Variants in ASIC2 observed in about 807,000 individuals in gnomAD.
ASIC2 encodes the protein acid-sensing ion channel 2.
A neutral mutation model predicts 57.3 loss-of-function variants in ASIC2; 25 were observed. The observed-to-expected ratio is 0.44, with a 90% CI of 0.32 to 0.61. The LOEUF is 0.61. ASIC2 is among the 20% of genes least tolerant of loss of function. The pLI is 0.06. For missense variants in ASIC2, 641 were observed against 738.1 expected, an observed-to-expected ratio of 0.87 and a Z score of 1.52; for synonymous variants, 319 against 307.5, an observed-to-expected ratio of 1.04 and a Z score of -0.39.
intron 1 of ASIC2, among the ~76,000 whole-genome samples, chr17:33,501,743 A>C (rs1914106407): frequency 6.6e-6 from 1 of 152,218 alleles, no homozygotes; most frequent in South Asian, 2.1e-4. Flanking sequence ...TTCCAAATTC[A>C]TGTGCCCAGG....
At chr17:33,077,630 T>A (rs2092094570) in intron 3 of ASIC2, among the ~76,000 whole-genome samples, 1 of 152,150 alleles carries the variant, frequency 6.6e-6, no homozygotes, top group Non-Finnish European at 1.5e-5. Context: ...GTCTAACAGA[T>A]AAGCAGTATG....
At chr17:33,502,736 C>T (rs1016442549) in intron 1 of ASIC2, among the ~76,000 whole-genome samples, 2 of 152,132 alleles carry the variant, frequency 1.3e-5, no homozygotes, top group Non-Finnish European at 2.9e-5. Flanking sequence ...TCCCAGTGTC[C>T]GCATCCTTAA....
intron 1 of ASIC2, among the ~76,000 whole-genome samples, chr17:33,603,158 G>A (rs183958978): frequency 5.3e-5 from 8 of 152,364 alleles, no homozygotes; most frequent in East Asian, 1.9e-4. Flanking sequence ...ACTGTGACTG[G>A]TTGTCATGGC....
At chr17:33,782,381 C>T (rs371516996) in intron 1 of ASIC2, among the ~76,000 whole-genome samples, 10 of 146,746 alleles carry the variant, frequency 6.8e-5, no homozygotes, top group African/African-American at 2.5e-4. Flanking sequence ...TTGCCCATTG[C>T]TCAATTTCCA....
intron 3 of ASIC2, among the ~76,000 whole-genome samples, chr17:33,035,660 A>T (rs994931326): frequency 6.6e-6 from 1 of 152,358 alleles, no homozygotes; most frequent in South Asian, 2.1e-4. Flanking sequence ...TGAGTTGTTC[A>T]TCAAGATTTT....
At chr17:34,124,722 C>T (rs781591458) in intron 1 of ASIC2, among the ~76,000 whole-genome samples, 27 of 152,164 alleles carry the variant, frequency 1.8e-4, no homozygotes, top group South Asian at 4.2e-4. Context: ...CCAGTTTATA[C>T]GTGGCTGCTT....
Position 34,080,627 on chromosome 17 carries a change from G to A in ASIC2, c.555+75351C>T, listed in dbSNP as rs1909843023. Among the ~76,000 whole-genome samples, 4 of 152,234 alleles carry A rather than the reference G, an allele frequency of 2.6e-5. No homozygotes were observed. In the South Asian group the frequency reaches 8.3e-4, roughly 32 times the overall value. On this transcript the variant is annotated intron_variant, in intron 1 of 9. Transcript: ENST00000359872. ...GGGCAGCCCCTCTAAAGTAGGCTAG[G>A]TGAAGGGAGAGTCTTGCCTCATGGG...
intron 1 of ASIC2, among the ~76,000 whole-genome samples, chr17:33,252,269 C>T (rs147384074): frequency 1.3e-5 from 2 of 152,324 alleles, no homozygotes; most frequent in East Asian, 3.9e-4. Context: ...ATTTCCCTTA[C>T]ATTCATCATT....
intron 1 of ASIC2, among the ~76,000 whole-genome samples, chr17:33,335,049 G>A (rs1907460244): frequency 6.6e-6 from 1 of 152,172 alleles, no homozygotes; most frequent in Admixed American, 6.5e-5. Flanking sequence ...AGTGTCATGT[G>A]AGCCAATCCT....
In ASIC2 at chr17:33,734,822, C is replaced by G. The variant is rs140124465; in HGVS notation, c.555+421156G>C. On this transcript the variant is annotated intron_variant, in intron 1 of 9. Coordinates refer to the ASIC2 transcript ENST00000359872. Reference sequence around the variant, plus strand: ...GAGAGAGGTCTCACCCAAAACCAACCCTGCTTGCACATTCATTTTAGACTT... The same window carrying G: ...GAGAGAGGTCTCACCCAAAACCAACGCTGCTTGCACATTCATTTTAGACTT... Among the ~76,000 whole-genome samples, 259 of 152,214 alleles carry G rather than the reference C, an allele frequency of 1.7e-3. 3 individuals are homozygous for G. Among genetic ancestry groups the G allele is most frequent in the African/African-American group, 6.0e-3 (248 of 41,532 alleles).
At chr17:33,246,410 C>T (rs941651674) in intron 1 of ASIC2, among the ~76,000 whole-genome samples, 5 of 152,184 alleles carry the variant, frequency 3.3e-5, no homozygotes, top group African/African-American at 1.2e-4. Context: ...ACACTGTGCT[C>T]TCCATAAATG....
chr17:33,589,496 T>G (rs1904758742), intron 1 of ASIC2, among the ~76,000 whole-genome samples: 1 of 152,114 alleles, frequency 6.6e-6, no homozygotes, highest in Admixed American at 6.5e-5. Flanking sequence ...ACAGAAACCC[T>G]GTGCCCGTGC....
intron 1 of ASIC2, among the ~76,000 whole-genome samples, chr17:33,369,694 C>A (rs992773036): frequency 1.3e-5 from 2 of 152,178 alleles, no homozygotes; most frequent in Non-Finnish European, 2.9e-5. Context: ...CTATATAACT[C>A]CCCAAGAGCA....
At position 33,162,704 on chromosome 17, in the gene ASIC2, C is replaced by G. The variant is rs77023950; in HGVS notation, c.709-50637G>C. Reference sequence around the variant, plus strand: ...TCGGACTTGGCTCACTATTGAATGTCAATTCCAGTGACTGGGAATGCATTT... The same window carrying G: ...TCGGACTTGGCTCACTATTGAATGTGAATTCCAGTGACTGGGAATGCATTT... On this transcript the variant is annotated intron_variant, in intron 1 of 9. Coordinates refer to ENST00000225823, the MANE Select transcript of ASIC2 (RefSeq NM_183377.2). Among the ~76,000 whole-genome samples the G allele has an allele frequency of 9.3e-3, 1,420 of 152,306 alleles. 12 individuals carry two copies. The highest frequency in any genetic ancestry group is 0.015 in the Non-Finnish European group (1,041 of 68,032).
At chr17:34,120,739 C>CTT (rs869228239) in intron 1 of ASIC2, among the ~76,000 whole-genome samples, 27 of 70,006 alleles carry the variant, frequency 3.9e-4, no homozygotes, top group African/African-American at 9.0e-4. Context: ...TTTTTTTTTT[C>CTT]TTTTTTTTTT....
chr17:33,073,632 T>A (rs1171051526), intron 3 of ASIC2, among the ~76,000 whole-genome samples: 1 of 152,204 alleles, frequency 6.6e-6, no homozygotes, highest in South Asian at 2.1e-4. Flanking sequence ...GGGTTGATAA[T>A]GGCAGCTCCA....
Position 33,503,157 on chromosome 17 carries a change from C to G in ASIC2, c.556-391090G>C, listed in dbSNP as rs150951624. On this transcript the variant is annotated intron_variant, in intron 1 of 9. Coordinates refer to the ASIC2 transcript ENST00000359872. The stretch of plus-strand genomic sequence containing the variant: ...GGAAGTGATTTATAAAGCATATACC[C>G]TATAGTGTGCTGTGCACATGGAACG... Among the ~76,000 whole-genome samples the G allele has an allele frequency of 7.2e-5, 11 of 152,268 alleles. No individual in the cohort carries two copies. In the East Asian group the frequency reaches 2.1e-3, roughly 29 times the overall value.
At chr17:33,814,387 C>G (rs74405960) in intron 1 of ASIC2, among the ~76,000 whole-genome samples, 1,678 of 152,266 alleles carry the variant, frequency 0.011, 13 homozygotes, top group Admixed American at 0.015. Flanking sequence ...GGAAGAGAGG[C>G]AGAGGTCTGA....
intron 1 of ASIC2, among the ~76,000 whole-genome samples, chr17:33,723,418 T>C (rs1326316735): frequency 1.3e-5 from 2 of 152,200 alleles, no homozygotes; most frequent in Non-Finnish European, 2.9e-5. Context: ...AACCTCCTCT[T>C]CCCAGGTTCA....
Sources: allele counts gnomAD v4.1 joint callset (sites outside exome capture counted in the v4.1 genomes callset), GRCh38; gene constraint gnomAD v4.1.1; transcripts MANE v1.5; gene names NCBI Gene and HGNC (gene_info 2026-07-23, HGNC 2026-07-21).